The following MPP7 variants were observed in gnomAD, a reference collection of about 807,000 sequenced individuals.
MPP7 encodes the protein MAGUK p55 subfamily member 7.
A neutral mutation model predicts 76.5 loss-of-function variants in MPP7; 60 were observed. The ratio of observed to expected loss-of-function variants is 0.78; its 90% confidence interval spans 0.64 to 0.97. MPP7 has a LOEUF of 0.97. Among genes scored for constraint, MPP7 ranks in the 50% least tolerant of loss-of-function variants. MPP7 has a pLI of 0.00. For missense variants in MPP7, 641 were observed against 694.0 expected (o/e 0.92, Z 0.86); for synonymous variants, 237 against 244.5 (o/e 0.97, Z 0.29).
chr10:28,125,134 T>C (rs765099451), intron 6 of MPP7, 43 bp from the exon 7 acceptor site: 1 of 1,492,640 alleles, frequency 6.7e-7, no homozygotes, highest in South Asian at 1.1e-5. Context: ...TAAATGTGTG[T>C]ACTAGGTGTT....
At chr10:28,089,559 T>C in intron 12 of MPP7, 112 bp downstream of exon 12, 1 of 939,316 alleles carries the variant, frequency 1.1e-6, no homozygotes, top group Non-Finnish European at 1.6e-6. Context: ...ACAAAAGGTG[T>C]TGAAGGGGAG....
intron 1 of MPP7, among the ~76,000 whole-genome samples, chr10:28,239,281 G>A (rs981295680): frequency 7.9e-5 from 12 of 151,640 alleles, no homozygotes; most frequent in Admixed American, 7.9e-4. Context: ...GAGGAGCTGG[G>A]ACTACAGGGG....
Position 28,107,159 on chromosome 10 carries a change from G to T in MPP7, c.952+12492C>A, listed in dbSNP as rs554375812. Among the ~76,000 whole-genome samples, 11 of 152,016 alleles carry T rather than the reference G, an allele frequency of 7.2e-5. No homozygotes were observed. In the East Asian group the frequency reaches 1.9e-3, roughly 27 times the overall value. The stretch of plus-strand genomic sequence containing the variant: ...CCAGGCCCACCATCTACATATCATC[G>T]AACTTAAATATGTCCAGTGCTCTTT... On this transcript the variant is annotated intron_variant, in intron 11 of 16. Transcript: ENST00000683449.
At chr10:28,150,180 A>G in intron 3 of MPP7, 121 bp from the exon 4 acceptor site, 1 of 674,620 alleles carries the variant, frequency 1.5e-6, no homozygotes, top group South Asian at 1.8e-5. Flanking sequence ...TATGTTTATG[A>G]CATATTACAC....
intron 11 of MPP7, among the ~76,000 whole-genome samples, chr10:28,107,386 C>A (rs938154695): frequency 6.6e-6 from 1 of 152,138 alleles, no homozygotes. Context: ...ATAATCCCTA[C>A]TGTCTGATTG....
chr10:28,275,916 C>A lies in MPP7; in HGVS notation c.-132+26945G>T, dbSNP rs138688453. On this transcript the variant is annotated intron_variant, in intron 1 of 16. Transcript: ENST00000683449. ...AATTGTGGATATGTGTGTATCTGTGCAGAAACCTTATGTATCTCATAATCA... is the reference window on the plus strand; with the variant it reads ...AATTGTGGATATGTGTGTATCTGTGAAGAAACCTTATGTATCTCATAATCA... 3.2e-4 allele frequency among the ~76,000 whole-genome samples: 48 copies of A among 151,972 alleles called. No individual in the cohort carries two copies. The South Asian group carries it at 8.5e-3, about 27-fold the overall frequency.
intron 4 of MPP7, 43 bp from the exon 5 acceptor site, chr10:28,147,606 G>A (rs745647035): frequency 2.1e-5 from 33 of 1,545,602 alleles, no homozygotes; most frequent in Non-Finnish European, 2.9e-5. Context: ...TTTAGTAAGA[G>A]CATTGTGGGA....
chr10:28,234,375 GA>G (rs1399587872), intron 2 of MPP7, among the ~76,000 whole-genome samples: 2 of 152,052 alleles, frequency 1.3e-5, no homozygotes, highest in Non-Finnish European at 2.9e-5. Context: ...AAATGGGAGA[GA>G]AAAGACAAAG....
intron 1 of MPP7, among the ~76,000 whole-genome samples, chr10:28,299,559 C>A (rs1302780606): frequency 6.6e-6 from 1 of 152,038 alleles, no homozygotes; most frequent in Non-Finnish European, 1.5e-5. Flanking sequence ...GTGAGAATTA[C>A]CAAAATATGA....
intron 3 of MPP7, among the ~76,000 whole-genome samples, chr10:28,162,410 A>G (rs1836292448): frequency 6.6e-6 from 1 of 152,190 alleles, no homozygotes; most frequent in African/African-American, 2.4e-5. Context: ...GAGACTCTGA[A>G]ATATTTCTAA....
At chr10:28,064,366 T>A (rs1387642289) in intron 13 of MPP7, among the ~76,000 whole-genome samples, 1 of 152,234 alleles carries the variant, frequency 6.6e-6, no homozygotes, top group Non-Finnish European at 1.5e-5. Flanking sequence ...GGATGCATAC[T>A]GTATAATCCT....
intron 1 of MPP7, among the ~76,000 whole-genome samples, chr10:28,255,376 T>C (rs1290698081): frequency 6.6e-6 from 1 of 151,614 alleles, no homozygotes; most frequent in Non-Finnish European, 1.5e-5. Context: ...CTACCCAAAG[T>C]GCTGAGATAA....
intron 1 of MPP7, among the ~76,000 whole-genome samples, chr10:28,293,672 G>C (rs1425424359): frequency 6.6e-6 from 1 of 152,130 alleles, no homozygotes; most frequent in Non-Finnish European, 1.5e-5. Flanking sequence ...GCTGGGGAGG[G>C]AGCGGAGCGG....
chr10:28,150,857 A>G (rs1297948616), intron 3 of MPP7, among the ~76,000 whole-genome samples: 3 of 152,186 alleles, frequency 2.0e-5, no homozygotes. Flanking sequence ...AGTTCCTTGA[A>G]AAATCTAGCA....
chr10:28,092,083 T>C (rs531917290), intron 11 of MPP7, among the ~76,000 whole-genome samples: 2 of 152,314 alleles, frequency 1.3e-5, no homozygotes, highest in Non-Finnish European at 2.9e-5. Flanking sequence ...AAAGGAAATG[T>C]GAAACAATTA....
rs541128552 is a variant in MPP7, at chr10:28,262,279, T to A, written c.-131-23544A>T. 8.7e-4 allele frequency among the ~76,000 whole-genome samples: 89 copies of A among 102,328 alleles called. 1 individual carries two copies. Among genetic ancestry groups the A allele is most frequent in the African/African-American group, 3.1e-3 (65 of 21,168 alleles). 67.1% of individuals were successfully genotyped at this position (102,328 alleles called of 152,430 possible). On this transcript the variant is annotated intron_variant, in intron 1 of 16. Transcript: ENST00000683449. The stretch of plus-strand genomic sequence containing the variant: ...TATATGTATATATATATATATATAT[T>A]TTTTTTTTTTTCTTCACCATGTTGG...
At chr10:28,235,178 ATT>A (rs1839031489) in intron 2 of MPP7, among the ~76,000 whole-genome samples, 1 of 152,130 alleles carries the variant, frequency 6.6e-6, no homozygotes, top group South Asian at 2.1e-4. Flanking sequence ...GTAATATGGT[ATT>A]ACGAATGAGA....
chr10:28,201,339 C>A (rs745325290), intron 3 of MPP7, among the ~76,000 whole-genome samples: 4 of 152,110 alleles, frequency 2.6e-5, no homozygotes, highest in Non-Finnish European at 5.9e-5. Context: ...GACAGGCAGC[C>A]ATAACAAAGT....
intron 15 of MPP7, chr10:28,057,699 A>T: frequency 3.2e-6 from 4 of 1,245,102 alleles, no homozygotes; most frequent in South Asian, 1.3e-5. Flanking sequence ...CACAGTGCCC[A>T]AGTCAGGAGG....
Sources: gnomAD v4.1 joint callset for allele counts (sites outside exome capture counted in the v4.1 genomes callset) on GRCh38, gnomAD v4.1.1 for gene constraint, MANE v1.5 for transcripts, NCBI Gene and HGNC (gene_info 2026-07-23, HGNC 2026-07-21) for gene names.